Variants in TMEM232 observed in about 807,000 individuals in gnomAD.
The protein encoded by TMEM232 is transmembrane protein 232.
Under a neutral mutation model 78.8 loss-of-function variants are expected in TMEM232, and 80 were observed. The ratio of observed to expected loss-of-function variants is 1.01; its 90% CI spans 0.85 to 1.22. The LOEUF (loss-of-function observed/expected upper bound fraction) is 1.22. Among genes scored for constraint, TMEM232 ranks in the 50% most tolerant of loss-of-function variants. TMEM232 has a pLI of 0.00. For synonymous variants in TMEM232, 297 were observed against 254.3 expected (o/e 1.17, Z -1.60); for missense variants, 881 against 742.2 (o/e 1.19, Z -2.17).
intron 11 of TMEM232, among the ~76,000 whole-genome samples, chr5:110,549,696 G>A (rs10477457): frequency 0.1 from 15,668 of 151,106 alleles, 1,839 homozygotes; most frequent in African/African-American, 0.29. Context: ...AAATAAGAAG[G>A]GTTAGGAATT....
chr5:110,390,411 C>T (rs750143150), intron 4 of TMEM232: 1 of 152,168 alleles, frequency 6.6e-6, no homozygotes, highest in Admixed American at 6.5e-5. Context: ...TGGAGATAGA[C>T]CAACCTTGGC....
intron 10 of TMEM232, among the ~76,000 whole-genome samples, chr5:110,581,531 G>T (rs1268141554): frequency 6.6e-6 from 1 of 151,918 alleles, no homozygotes; most frequent in East Asian, 1.9e-4. Context: ...CTTAATTAAA[G>T]ACTTAAATGT....
chr5:110,662,086 C>A (rs111316488), intron 2 of TMEM232, among the ~76,000 whole-genome samples: 1,993 of 151,936 alleles, frequency 0.013, 36 homozygotes, highest in African/African-American at 0.045. Flanking sequence ...CCTTTTAAGT[C>A]AATATTGAGA....
intron 2 of TMEM232, among the ~76,000 whole-genome samples, chr5:110,409,229 G>A (rs190317418): frequency 6.6e-6 from 1 of 152,216 alleles, no homozygotes; most frequent in African/African-American, 2.4e-5. Flanking sequence ...TTCTATGTCT[G>A]TCTGCACACA....
chr5:110,567,867 A>G (rs995232828), intron 11 of TMEM232, among the ~76,000 whole-genome samples: 1 of 151,888 alleles, frequency 6.6e-6, no homozygotes, highest in Non-Finnish European at 1.5e-5. Context: ...GATTCCTAAC[A>G]TCATAAAAAG....
rs112967422 is a variant in TMEM232, at chr5:110,703,130, A to G, written c.-13+23497T>C. 6.2e-3 allele frequency among the ~76,000 whole-genome samples: 946 copies of G among 152,184 alleles called. 10 individuals are homozygous for G. Among genetic ancestry groups the G allele is most frequent in the African/African-American group, 0.021 (886 of 41,562 alleles). On this transcript the variant is annotated intron_variant, in intron 1 of 13. Coordinates refer to ENST00000455884, the MANE Select transcript of TMEM232 (RefSeq NM_001039763.4). ...AAAAGGCTACTATAACACAAATAGC[A>G]GATGAAACTACAAAGGTAGCTATGT...
chr5:110,697,165 T>G (rs1246626176), intron 1 of TMEM232, among the ~76,000 whole-genome samples: 1 of 152,126 alleles, frequency 6.6e-6, no homozygotes, highest in Non-Finnish European at 1.5e-5. Context: ...CCATCTGATC[T>G]TTGACAAACC....
In TMEM232 at chr5:110,625,423, G is replaced by C; in HGVS notation, c.612C>G (p.Phe204Leu). The C allele has an allele frequency of 6.6e-7, 1 of 1,520,360 alleles. No homozygotes were observed. The highest frequency in any genetic ancestry group is 1.4e-5 in the African/African-American group (1 of 71,700). 94.2% of individuals were successfully genotyped at this position (1,520,360 alleles called of 1,614,324 possible). Residue 204 changes from phenylalanine to leucine, a missense_variant, in exon 7 of 14, where the codon TTC becomes TTG. Transcript: ENST00000455884. ...GATACTTGTGATATGATGCTCCAGA[G>C]AAAGAAAGTGCTATTGTAAGAAAAA... ...RLQPYLYALS[F>L]SGASYHKYPN...
At chr5:110,546,690 T>G (rs1429544224) in intron 11 of TMEM232, among the ~76,000 whole-genome samples, 3 of 152,148 alleles carry the variant, frequency 2.0e-5, no homozygotes, top group African/African-American at 7.2e-5. Flanking sequence ...GCCCTCACTG[T>G]ATAGGTGTTT....
chr5:110,651,483 G>T (rs1788291281), intron 2 of TMEM232, among the ~76,000 whole-genome samples: 1 of 150,504 alleles, frequency 6.6e-6, no homozygotes, highest in African/African-American at 2.4e-5. Flanking sequence ...AAGGAGGGAG[G>T]GAGGGAAAGA....
intron 12 of TMEM232, among the ~76,000 whole-genome samples, chr5:110,444,989 T>A (rs917244776): frequency 2.0e-5 from 3 of 152,100 alleles, no homozygotes; most frequent in Non-Finnish European, 4.4e-5. Flanking sequence ...ATTTTCAACT[T>A]CCACTATTGT....
intron 7 of TMEM232, among the ~76,000 whole-genome samples, chr5:110,621,424 C>T (rs960157801): frequency 1.3e-5 from 2 of 151,884 alleles, no homozygotes; most frequent in East Asian, 3.9e-4. Flanking sequence ...ATGAAAAATA[C>T]GTATTTAGAC....
At chr5:110,553,437 T>C (rs1774700464) in intron 11 of TMEM232, among the ~76,000 whole-genome samples, 2 of 152,118 alleles carry the variant, frequency 1.3e-5, no homozygotes, top group Non-Finnish European at 2.9e-5. Flanking sequence ...GTAGATATCT[T>C]TTTTTCCCTG....
intron 12 of TMEM232, among the ~76,000 whole-genome samples, chr5:110,517,059 C>G (rs893636119): frequency 1.3e-5 from 2 of 152,110 alleles, no homozygotes; most frequent in South Asian, 4.1e-4. Context: ...GGCTTCTTGC[C>G]GTCTTTCACA....
intron 8 of TMEM232, among the ~76,000 whole-genome samples, chr5:110,616,727 G>A (rs896879271): frequency 1.3e-5 from 2 of 152,030 alleles, no homozygotes; most frequent in African/African-American, 4.8e-5. Context: ...AATCATAAGG[G>A]AAAGGCAAAG....
intron 1 of TMEM232, chr5:110,725,463 T>C (rs933863263): frequency 1.3e-5 from 2 of 152,198 alleles, no homozygotes; most frequent in East Asian, 1.9e-4. Flanking sequence ...GACAGGAACA[T>C]TTATCAAATT....
In TMEM232 at chr5:110,472,672, T is replaced by C. The variant is rs551897753; in HGVS notation, c.1704-47756A>G. Among the ~76,000 whole-genome samples the C allele has an allele frequency of 3.3e-5, 5 of 151,988 alleles. No homozygotes were observed. In the East Asian group the frequency reaches 9.7e-4, roughly 29 times the overall value. The stretch of plus-strand genomic sequence containing the variant: ...GGCATCTCACTACCTAACTTCAAAA[T>C]ATACTACAAAGCTATAATAACAAAA... On this transcript the variant is annotated intron_variant, in intron 12 of 13. Coordinates refer to ENST00000455884, the MANE Select transcript of TMEM232 (RefSeq NM_001039763.4).
chr5:110,648,077 A>T (rs1391728440), intron 2 of TMEM232, among the ~76,000 whole-genome samples: 1 of 152,080 alleles, frequency 6.6e-6, no homozygotes, highest in East Asian at 1.9e-4. Flanking sequence ...AGAACTCCCA[A>T]TAAATAGAAA....
At position 110,714,973 on chromosome 5, in the gene TMEM232, CAA is replaced by C. The variant is rs933503023; in HGVS notation, c.-13+11652_-13+11653del. On this transcript the variant is annotated intron_variant, in intron 1 of 13. Coordinates refer to ENST00000455884, the MANE Select transcript of TMEM232 (RefSeq NM_001039763.4). ...AATATCACATTCTGTAAAAGTATGA[CAA>C]GAGCTAGAGAATAGACAAATATAAA... Among the ~76,000 whole-genome samples, 9 of 151,976 alleles carry C rather than the reference CAA, an allele frequency of 5.9e-5. 1 individual carries two copies. Among genetic ancestry groups the C allele is most frequent in the Middle Eastern group, 3.2e-3 (1 of 314 alleles).
Sources: allele counts gnomAD v4.1 joint callset (sites outside exome capture counted in the v4.1 genomes callset), GRCh38; gene constraint gnomAD v4.1.1; transcripts MANE v1.5; gene names NCBI Gene and HGNC (gene_info 2026-07-23, HGNC 2026-07-21).